The following LRRC4C variants were observed in gnomAD, a reference collection of about 807,000 sequenced individuals.
LRRC4C encodes the protein leucine-rich repeat-containing protein 4C.
A neutral mutation model predicts 33.6 loss-of-function variants in LRRC4C; 5 were observed. The ratio of observed to expected loss-of-function variants is 0.15; its 90% confidence interval spans 0.08 to 0.31. The LOEUF (loss-of-function observed/expected upper bound fraction) is 0.31, where lower values mean the gene tolerates loss of function less well. LRRC4C is among the 10% of genes least tolerant of loss of function. The pLI, the probability that LRRC4C is intolerant of heterozygous loss-of-function variation, is 1.00. For synonymous variants in LRRC4C, 329 were observed against 302.0 expected (o/e 1.09, Z -0.93); for missense variants, 560 against 796.7 (o/e 0.70, Z 3.58).
chr11:40,950,233 C>G (rs563001626), intron 1 of LRRC4C, among the ~76,000 whole-genome samples: 2 of 151,914 alleles, frequency 1.3e-5, no homozygotes, highest in Non-Finnish European at 2.9e-5. Flanking sequence ...GAAGATCATT[C>G]CATTATGTTT....
At chr11:40,458,536 C>T (rs1408268550) in intron 3 of LRRC4C, among the ~76,000 whole-genome samples, 3 of 152,118 alleles carry the variant, frequency 2.0e-5, no homozygotes, top group South Asian at 2.1e-4. Context: ...CTTCATCATC[C>T]GTGAAGTTTC....
intron 2 of LRRC4C, among the ~76,000 whole-genome samples, chr11:40,672,241 G>C (rs894891493): frequency 5.3e-5 from 8 of 152,112 alleles, no homozygotes; most frequent in Admixed American, 3.3e-4. Context: ...TCCTCTCATG[G>C]TGGGAGGAGT....
chr11:41,084,788 G>T (rs1456892069), intron 1 of LRRC4C, among the ~76,000 whole-genome samples: 1 of 152,160 alleles, frequency 6.6e-6, no homozygotes. Flanking sequence ...GGTGGAGGTT[G>T]CAGTGAGCCA....
intron 3 of LRRC4C, among the ~76,000 whole-genome samples, chr11:40,505,440 T>G (rs1954985772): frequency 6.6e-6 from 1 of 152,196 alleles, no homozygotes; most frequent in South Asian, 2.1e-4. Context: ...GACAATGTCA[T>G]CAGACAGGAT....
chr11:40,718,242 T>C (rs1946831144), intron 2 of LRRC4C, among the ~76,000 whole-genome samples: 1 of 152,176 alleles, frequency 6.6e-6, no homozygotes, highest in African/African-American at 2.4e-5. Context: ...CTGAAGACAT[T>C]TGTTACAAAT....
chr11:41,306,842 T>C (rs1433490570), intron 1 of LRRC4C, among the ~76,000 whole-genome samples: 1 of 152,220 alleles, frequency 6.6e-6, no homozygotes, highest in African/African-American at 2.4e-5. Flanking sequence ...GTTTAAGTAG[T>C]TGCTTATCTA....
chr11:41,417,919 T>C (rs1954743489), intron 1 of LRRC4C, among the ~76,000 whole-genome samples: 1 of 150,292 alleles, frequency 6.7e-6, no homozygotes, highest in African/African-American at 2.4e-5. Context: ...ATGGTGTATG[T>C]GTGTGTGTGT....
intron 5 of LRRC4C, among the ~76,000 whole-genome samples, chr11:40,231,272 C>T (rs536826714): frequency 6.6e-6 from 1 of 152,184 alleles, no homozygotes; most frequent in African/African-American, 2.4e-5. Flanking sequence ...CAGTAACTCC[C>T]CAGGACAGAA....
chr11:41,448,120 C>CTTTTTTTTTTTTTTTTTTT (rs1211366298), intron 1 of LRRC4C, among the ~76,000 whole-genome samples: 2 of 23,882 alleles, frequency 8.4e-5, no homozygotes, highest in Non-Finnish European at 2.0e-4. Context: ...CTGCACACGT[C>CTTTTTTTTTTTTTTTTTTT]TGTTTTTTTT....
intron 3 of LRRC4C, among the ~76,000 whole-genome samples, chr11:40,578,141 G>GTTTTTTTTTTTTTT (rs1360920903): frequency 8.0e-5 from 4 of 50,134 alleles, no homozygotes; most frequent in Non-Finnish European, 1.1e-4. Flanking sequence ...TTTTTTTTCG[G>GTTTTTTTTTTTTTT]TTTTTTTTTT....
intron 5 of LRRC4C, among the ~76,000 whole-genome samples, chr11:40,182,629 A>G: frequency 6.6e-6 from 1 of 152,236 alleles, no homozygotes; most frequent in Non-Finnish European, 1.5e-5. Flanking sequence ...ATACACAGCC[A>G]CATTTACAAT....
chr11:40,665,088 C>A (rs1316419013), intron 2 of LRRC4C, among the ~76,000 whole-genome samples: 1 of 151,442 alleles, frequency 6.6e-6, no homozygotes. Context: ...GACAATTTAT[C>A]TTCTGGTAGG....
intron 1 of LRRC4C, among the ~76,000 whole-genome samples, chr11:41,210,868 G>T (rs1946794700): frequency 6.6e-6 from 1 of 152,148 alleles, no homozygotes; most frequent in African/African-American, 2.4e-5. Flanking sequence ...GTTGGGAGTG[G>T]ATGGTTTGGG....
chr11:41,022,396 G>C (rs919391617), intron 1 of LRRC4C, among the ~76,000 whole-genome samples: 3 of 151,856 alleles, frequency 2.0e-5, no homozygotes, highest in African/African-American at 7.3e-5. Context: ...CAGTACCTGG[G>C]TTAGGGTAAG....
intron 3 of LRRC4C, among the ~76,000 whole-genome samples, chr11:40,552,856 C>T (rs1565498043): frequency 6.6e-6 from 1 of 152,086 alleles, no homozygotes; most frequent in Non-Finnish European, 1.5e-5. Context: ...CATCTAAGTC[C>T]TGATGTGCCA....
intron 5 of LRRC4C, among the ~76,000 whole-genome samples, chr11:40,210,625 C>A (rs1863526270): frequency 6.6e-6 from 1 of 152,156 alleles, no homozygotes; most frequent in Admixed American, 6.5e-5. Flanking sequence ...ACAACTCACC[C>A]TTTCCATCCT....
chr11:40,405,608 CAAAAAAAA>C (rs71060958), intron 3 of LRRC4C, among the ~76,000 whole-genome samples: 18 of 70,838 alleles, frequency 2.5e-4, no homozygotes, highest in Middle Eastern at 0.013. Context: ...ACACTCTATC[CAAAAAAAA>C]AAAAAAAAAA....
At chr11:40,147,812 TG>T (rs1011988197) in intron 5 of LRRC4C, among the ~76,000 whole-genome samples, 1 of 152,150 alleles carries the variant, frequency 6.6e-6, no homozygotes, top group Non-Finnish European at 1.5e-5. Flanking sequence ...ACTTGTGTCA[TG>T]GGGGTTGTTG....
At chr11:41,004,044 A>G (rs1232213428) in intron 1 of LRRC4C, among the ~76,000 whole-genome samples, 1 of 152,010 alleles carries the variant, frequency 6.6e-6, no homozygotes, top group Non-Finnish European at 1.5e-5. Flanking sequence ...GAAAACAGGA[A>G]GTTTTCTTTG....
Sources: gnomAD v4.1 joint callset for allele counts (sites outside exome capture counted in the v4.1 genomes callset) on GRCh38, gnomAD v4.1.1 for gene constraint, MANE v1.5 for transcripts, NCBI Gene and HGNC (gene_info 2026-07-23, HGNC 2026-07-21) for gene names.